ZFAND3: variants seen among roughly 807,000 people sequenced by gnomAD.
ZFAND3 encodes the protein AN1-type zinc finger protein 3.
Under a neutral mutation model 29.6 loss-of-function variants are expected in ZFAND3, and 10 were observed. The observed-to-expected ratio is 0.34, with a 90% confidence interval of 0.21 to 0.57. ZFAND3 has a LOEUF of 0.57. Among genes scored for constraint, ZFAND3 ranks in the 20% least tolerant of loss-of-function variants. The probability of loss-of-function intolerance (pLI) is 0.86; values close to 1 mark genes in which losing one functional copy is unlikely to be tolerated. For synonymous variants in ZFAND3, 128 were observed against 112.6 expected, an observed-to-expected ratio of 1.14 and a Z score of -0.87; for missense variants, 230 against 304.5, an observed-to-expected ratio of 0.76 and a Z score of 1.82.
At chr6:37,877,352 GTGTTTTTGTTTT>G (rs558950370) in intron 1 of ZFAND3, among the ~76,000 whole-genome samples, 23 of 152,164 alleles carry the variant, frequency 1.5e-4, no homozygotes, top group Admixed American at 3.3e-4. Flanking sequence ...TGGTTGTGGA[GTGTTTTTGTTTT>G]TGTTTTTGTT....
chr6:37,847,697 A>G (rs1764207785), intron 1 of ZFAND3, among the ~76,000 whole-genome samples: 1 of 151,986 alleles, frequency 6.6e-6, no homozygotes, highest in South Asian at 2.1e-4. Flanking sequence ...TTAATCTGTT[A>G]CATGTAAAGG....
At chr6:38,025,645 G>A (rs907665046) in intron 2 of ZFAND3, among the ~76,000 whole-genome samples, 4 of 151,952 alleles carry the variant, frequency 2.6e-5, no homozygotes, top group African/African-American at 9.7e-5. Context: ...CTCATCTTTT[G>A]GCCAGTCTCA....
chr6:37,969,903 T>A (rs1053985019), intron 2 of ZFAND3, among the ~76,000 whole-genome samples: 6 of 151,438 alleles, frequency 4.0e-5, no homozygotes, highest in Non-Finnish European at 5.9e-5. Context: ...AACAATCAAA[T>A]CCCCTTGTGG....
intron 2 of ZFAND3, among the ~76,000 whole-genome samples, chr6:37,979,328 A>G (rs1331870202): frequency 6.6e-6 from 1 of 152,040 alleles, no homozygotes; most frequent in Non-Finnish European, 1.5e-5. Context: ...TTTTCTTACA[A>G]CTTTGTGTAT....
At chr6:38,111,575 G>A (rs749881373) in intron 4 of ZFAND3, among the ~76,000 whole-genome samples, 8 of 152,200 alleles carry the variant, frequency 5.3e-5, no homozygotes, top group South Asian at 2.1e-4. Context: ...AGACAACAAC[G>A]ATGAAGACTT....
intron 1 of ZFAND3, among the ~76,000 whole-genome samples, chr6:37,906,067 A>G (rs1765401271): frequency 6.6e-6 from 1 of 152,134 alleles, no homozygotes; most frequent in Non-Finnish European, 1.5e-5. Flanking sequence ...ACCATTTTAA[A>G]CCATTTTAAC....
intron 3 of ZFAND3, among the ~76,000 whole-genome samples, chr6:38,066,228 G>A (rs1764344142): frequency 6.6e-6 from 1 of 152,192 alleles, no homozygotes; most frequent in Non-Finnish European, 1.5e-5. Flanking sequence ...GAGCTGTCAG[G>A]GTGGATGCTT....
chr6:37,900,554 A>C (rs753638596), intron 1 of ZFAND3, among the ~76,000 whole-genome samples: 1 of 152,196 alleles, frequency 6.6e-6, no homozygotes, highest in African/African-American at 2.4e-5. Context: ...CTAGTTCTGT[A>C]GATTTTTTTC....
intron 2 of ZFAND3, among the ~76,000 whole-genome samples, chr6:38,049,477 A>G (rs1763976377): frequency 6.6e-6 from 1 of 152,220 alleles, no homozygotes; most frequent in Non-Finnish European, 1.5e-5. Context: ...AAATAGAGCC[A>G]GGATTTGAAC....
chr6:38,086,455 T>C (rs1399998974), intron 4 of ZFAND3, among the ~76,000 whole-genome samples: 1 of 152,204 alleles, frequency 6.6e-6, no homozygotes, highest in Non-Finnish European at 1.5e-5. Context: ...ATGTGTGAGT[T>C]AAAGCACATC....
intron 1 of ZFAND3, among the ~76,000 whole-genome samples, chr6:37,824,684 G>A (rs1299830029): frequency 6.6e-6 from 1 of 152,122 alleles, no homozygotes; most frequent in Non-Finnish European, 1.5e-5. Context: ...GGCTTATTAG[G>A]TAAATTATTC....
intron 4 of ZFAND3, among the ~76,000 whole-genome samples, chr6:38,111,485 C>T (rs1450734816): frequency 6.6e-6 from 1 of 152,170 alleles, no homozygotes; most frequent in Non-Finnish European, 1.5e-5. Context: ...GCACAGATTT[C>T]CTTCTGCCTC....
At chr6:38,081,010 C>G (rs1764650540) in intron 3 of ZFAND3, among the ~76,000 whole-genome samples, 1 of 152,112 alleles carries the variant, frequency 6.6e-6, no homozygotes, top group Non-Finnish European at 1.5e-5. Flanking sequence ...CTTGCATTTC[C>G]AAGTAATACA....
intron 5 of ZFAND3, among the ~76,000 whole-genome samples, chr6:38,132,675 C>T (rs552401387): frequency 1.3e-4 from 20 of 152,196 alleles, no homozygotes; most frequent in Non-Finnish European, 2.9e-5. Flanking sequence ...CCTAAACTGA[C>T]GCTGCATAAA....
chr6:37,848,468 C>G (rs1388582617), intron 1 of ZFAND3, among the ~76,000 whole-genome samples: 1 of 152,216 alleles, frequency 6.6e-6, no homozygotes, highest in Non-Finnish European at 1.5e-5. Context: ...TCATTAGATT[C>G]CTGGAGCTGC....
rs9394465 is a variant in ZFAND3 at position 37,890,180 on chromosome 6, T to A, written c.72-39779T>A. 9.7e-3 allele frequency among the ~76,000 whole-genome samples: 1,473 copies of A among 152,352 alleles called. 80 individuals are homozygous for A. The East Asian group carries it at 0.15, about 16-fold the overall frequency. On this transcript the variant is annotated intron_variant, in intron 1 of 5. Coordinates refer to ENST00000287218, the MANE Select transcript of ZFAND3 (RefSeq NM_021943.3). Reference sequence around the variant, plus strand: ...CAAGCATTGCTTTGCTGGAATATTCTGAAATTAACAATTTTGAATAAGTTT... The same window carrying A: ...CAAGCATTGCTTTGCTGGAATATTCAGAAATTAACAATTTTGAATAAGTTT...
At chr6:38,075,685 G>A (rs964838185) in intron 3 of ZFAND3, among the ~76,000 whole-genome samples, 1 of 152,196 alleles carries the variant, frequency 6.6e-6, no homozygotes, top group Non-Finnish European at 1.5e-5. Context: ...TGGGTAAAAT[G>A]CTGTCAAACA....
chr6:38,072,541 C>T (rs1020018741), intron 3 of ZFAND3, among the ~76,000 whole-genome samples: 6 of 152,136 alleles, frequency 3.9e-5, no homozygotes, highest in African/African-American at 1.4e-4. Context: ...ACAGCTTTAG[C>T]TCTTGCACTC....
intron 4 of ZFAND3, among the ~76,000 whole-genome samples, chr6:38,096,781 C>T (rs1764989137): frequency 6.6e-6 from 1 of 151,966 alleles, no homozygotes; most frequent in Admixed American, 6.6e-5. Flanking sequence ...TGTCTTCTGA[C>T]CCTTTTATTT....
Sources: allele counts gnomAD v4.1 joint callset (sites outside exome capture counted in the v4.1 genomes callset), GRCh38; gene constraint gnomAD v4.1.1; transcripts MANE v1.5; gene names NCBI Gene and HGNC (gene_info 2026-07-23, HGNC 2026-07-21).